MAGI2: variants seen among roughly 807,000 people sequenced by gnomAD.
MAGI2 encodes the protein membrane associated guanylate kinase, WW and PDZ domain containing 2.
MAGI2 carries 35 observed loss-of-function variants against 133.3 expected under a neutral mutation model. The ratio of observed to expected loss-of-function variants is 0.26; its 90% confidence interval spans 0.20 to 0.35. MAGI2 has a LOEUF of 0.35. Among genes scored for constraint, MAGI2 ranks in the 10% least tolerant of loss-of-function variants. The pLI is 1.00. For synonymous variants in MAGI2, 729 were observed against 710.6 expected (o/e 1.03, Z -0.41); for missense variants, 1,636 against 1,863.4 (o/e 0.88, Z 2.25).
intron 2 of MAGI2, among the ~76,000 whole-genome samples, chr7:78,772,528 C>T (rs1233458811): frequency 6.6e-6 from 1 of 152,218 alleles, no homozygotes; most frequent in African/African-American, 2.4e-5. Flanking sequence ...CTTACACAAA[C>T]AGCCTCTCCC....
chr7:79,121,361 T>C (rs1819875418), intron 1 of MAGI2, among the ~76,000 whole-genome samples: 1 of 152,268 alleles, frequency 6.6e-6, no homozygotes, highest in Non-Finnish European at 1.5e-5. Flanking sequence ...TGGTTCTACA[T>C]CCTTTCTGCT....
At chr7:78,070,734 C>T (rs10256004) in intron 21 of MAGI2, among the ~76,000 whole-genome samples, 49,023 of 150,756 alleles carry the variant, frequency 0.33, 8,692 homozygotes, top group East Asian at 0.54. Context: ...CTCTGCCTCC[C>T]GGGTTCAAAC....
intron 1 of MAGI2, among the ~76,000 whole-genome samples, chr7:79,293,813 C>T (rs964439108): frequency 2.6e-5 from 4 of 152,176 alleles, no homozygotes; most frequent in Admixed American, 1.3e-4. Context: ...TGCTCAAGCG[C>T]CTTTTATGCT....
intron 21 of MAGI2, among the ~76,000 whole-genome samples, chr7:78,048,253 G>T (rs1322538574): frequency 6.6e-6 from 1 of 152,116 alleles, no homozygotes; most frequent in Non-Finnish European, 1.5e-5. Context: ...TGTTAAATTG[G>T]GTTTATTGCT....
intron 1 of MAGI2, among the ~76,000 whole-genome samples, chr7:79,054,910 C>T (rs916629425): frequency 6.6e-6 from 1 of 152,182 alleles, no homozygotes; most frequent in African/African-American, 2.4e-5. Context: ...CTTGCCTCAG[C>T]CTCCCAAGTA....
At chr7:78,505,306 A>G (rs1447733946) in intron 4 of MAGI2, among the ~76,000 whole-genome samples, 3 of 152,166 alleles carry the variant, frequency 2.0e-5, no homozygotes, top group South Asian at 2.1e-4. Context: ...TTAGAAAAAC[A>G]CAAGAATACT....
At chr7:79,399,726 T>C (rs192917734) in intron 1 of MAGI2, among the ~76,000 whole-genome samples, 50 of 152,312 alleles carry the variant, frequency 3.3e-4, no homozygotes, top group African/African-American at 1.1e-3. Context: ...GGTTCCTCTA[T>C]GTGCTAGTAA....
chr7:79,028,326 T>C lies in MAGI2; in HGVS notation c.302-21120A>G, dbSNP rs372743551. On this transcript the variant is annotated intron_variant, in intron 1 of 21. Transcript: ENST00000354212. ...ATATATATATATACACACATATATA[T>C]ACATATATATACACACACACACACA... is the stretch of plus-strand genomic sequence containing the variant. Among the ~76,000 whole-genome samples the C allele has an allele frequency of 1.7e-3, 43 of 25,380 alleles. 1 individual carries two copies. The highest frequency in any genetic ancestry group is 0.034 in the Middle Eastern group (2 of 58). 16.7% of individuals were successfully genotyped at this position (25,380 alleles called of 152,430 possible).
chr7:78,218,857 G>A (rs577475599), intron 10 of MAGI2, among the ~76,000 whole-genome samples: 8 of 152,254 alleles, frequency 5.3e-5, no homozygotes, highest in African/African-American at 1.7e-4. Context: ...TTAACAAGTC[G>A]AGAACCACAC....
intron 3 of MAGI2, chr7:78,615,719 A>C (rs996576301): frequency 6.6e-6 from 1 of 152,162 alleles, no homozygotes; most frequent in Non-Finnish European, 1.5e-5. Context: ...CCTTTTATCT[A>C]CCCATCATTG....
At chr7:78,860,191 C>T (rs918422474) in intron 2 of MAGI2, among the ~76,000 whole-genome samples, 8 of 152,166 alleles carry the variant, frequency 5.3e-5, no homozygotes, top group Non-Finnish European at 1.2e-4. Context: ...CAAACATTCT[C>T]CTTTAGCTTG....
In MAGI2 at chr7:78,160,260, TG is replaced by T; in HGVS notation, c.2609del (p.Pro870GlnfsTer70). 6.3e-7 allele frequency: 1 copy of T among 1,591,456 alleles called. No homozygotes were observed. On this transcript the variant is annotated frameshift_variant, in exon 16 of 22. Transcript: ENST00000354212. LOFTEE classifies it high-confidence loss of function. ...CAGAGCCTGGACTTCTCCCGTTCTC[TG>T]GGCAGGGCTCCCCTGCAAAATATAC... ...RKVLCGGEPCPENGRSPGSVS... is the reference protein window; with the variant it reads ...RKVLCGGEPCXENGRSPGSVS...
In MAGI2 at chr7:79,416,681, G is replaced by T. The variant is rs537003754; in HGVS notation, c.301+36339C>A. Among the ~76,000 whole-genome samples, 16 of 149,606 alleles carry T rather than the reference G, an allele frequency of 1.1e-4. No homozygotes were observed. In the South Asian group the frequency reaches 1.3e-3, roughly 12 times the overall value. On this transcript the variant is annotated intron_variant, in intron 1 of 21. Coordinates refer to ENST00000354212, the MANE Select transcript of MAGI2 (RefSeq NM_012301.4). ...ATAATTGTTGAAAGTAGGACACAGG[G>T]TACACAGAGGTCCATTGTTTCTTTT... is the stretch of plus-strand genomic sequence containing the variant.
intron 6 of MAGI2, among the ~76,000 whole-genome samples, chr7:78,448,883 A>G (rs7784628): frequency 0.043 from 6,470 of 152,076 alleles, 406 homozygotes; most frequent in African/African-American, 0.14. Flanking sequence ...AGCTTTATCA[A>G]GGAGTCAATG....
At chr7:79,387,419 T>G (rs1766057820) in intron 1 of MAGI2, among the ~76,000 whole-genome samples, 1 of 152,090 alleles carries the variant, frequency 6.6e-6, no homozygotes, top group African/African-American at 2.4e-5. Flanking sequence ...CTTGTTACAC[T>G]ACTTTCTAAT....
chr7:79,123,112 G>A (rs968125827), intron 1 of MAGI2, among the ~76,000 whole-genome samples: 1 of 152,104 alleles, frequency 6.6e-6, no homozygotes, highest in African/African-American at 2.4e-5. Context: ...GAATGCTACT[G>A]CAAACTATTG....
intron 2 of MAGI2, among the ~76,000 whole-genome samples, chr7:78,955,709 CT>C (rs5885103): frequency 0.055 from 2,926 of 53,532 alleles, 206 homozygotes; most frequent in African/African-American, 0.2. Flanking sequence ...CCCTTTCTTT[CT>C]TTTTCTTTCT....
intron 2 of MAGI2, among the ~76,000 whole-genome samples, chr7:78,633,829 A>C (rs1299255554): frequency 6.6e-6 from 1 of 152,122 alleles, no homozygotes; most frequent in Non-Finnish European, 1.5e-5. Flanking sequence ...TTTTACATAT[A>C]TGATTCTAGA....
At chr7:79,360,297 C>G (rs1842300097) in intron 1 of MAGI2, among the ~76,000 whole-genome samples, 1 of 152,044 alleles carries the variant, frequency 6.6e-6, no homozygotes, top group Non-Finnish European at 1.5e-5. Context: ...GCAAGGTTAT[C>G]TTGGGGTAAA....
Sources: gnomAD v4.1 joint callset for allele counts (sites outside exome capture counted in the v4.1 genomes callset) on GRCh38, gnomAD v4.1.1 for gene constraint, MANE v1.5 for transcripts, NCBI Gene and HGNC (gene_info 2026-07-23, HGNC 2026-07-21) for gene names.